The following NRP1 variants were observed in gnomAD, a reference collection of about 807,000 sequenced individuals.
The protein encoded by NRP1 is neuropilin 1, also known as neuropilin-1.
Under a neutral mutation model 106.7 loss-of-function variants are expected in NRP1, and 35 were observed. The ratio of observed to expected loss-of-function variants is 0.33; its 90% confidence interval spans 0.25 to 0.43. The LOEUF (loss-of-function observed/expected upper bound fraction) is 0.43. Ranked by LOEUF, NRP1 falls within the 20% of genes least tolerant of loss-of-function variation. NRP1 has a pLI of 1.00. For synonymous variants in NRP1, 437 were observed against 417.9 expected (o/e 1.05, Z -0.56); for missense variants, 1,024 against 1,170.4 (o/e 0.87, Z 1.83).
intron 2 of NRP1, among the ~76,000 whole-genome samples, chr10:33,320,281 C>T (rs1045336271): frequency 1.3e-5 from 2 of 151,212 alleles, no homozygotes; most frequent in African/African-American, 4.9e-5. Flanking sequence ...CCACTGCACT[C>T]CAGCCTGGCG....
chr10:33,320,623 T>C (rs568597180), intron 2 of NRP1, among the ~76,000 whole-genome samples: 1 of 152,290 alleles, frequency 6.6e-6, no homozygotes, highest in South Asian at 2.1e-4. Flanking sequence ...GCTGATCTCT[T>C]CTCCATATGA....
intron 2 of NRP1, among the ~76,000 whole-genome samples, chr10:33,313,442 T>A (rs182467491): frequency 9.2e-5 from 14 of 152,262 alleles, no homozygotes; most frequent in African/African-American, 3.4e-4. Context: ...TTACACATTG[T>A]AGGCCTGTAT....
rs372867658 is a variant in NRP1, at chr10:33,265,116, A to AAAAC, written c.431-1247_431-1244dup. Among the ~76,000 whole-genome samples, 1,331 of 151,694 alleles carry AAAAC rather than the reference A, an allele frequency of 8.8e-3. 19 individuals carry two copies. Among genetic ancestry groups the AAAAC allele is most frequent in the African/African-American group, 0.03 (1,227 of 41,434 alleles). On this transcript the variant is annotated intron_variant, in intron 3 of 16. Transcript: ENST00000374867. ...CAGAGCCAGCCAGACTCCGCCTCAA[A>AAAAC]AAACAAACAAACAAACAAACAAACA...
chr10:33,195,252 T>C (rs774360555), intron 12 of NRP1, among the ~76,000 whole-genome samples: 3 of 152,158 alleles, frequency 2.0e-5, no homozygotes, highest in Non-Finnish European at 4.4e-5. Context: ...CTCAGGCCCA[T>C]ACAATCGTAG....
chr10:33,257,247 A>G (rs958033990), intron 4 of NRP1, among the ~76,000 whole-genome samples: 5 of 152,246 alleles, frequency 3.3e-5, no homozygotes, highest in Admixed American at 3.3e-4. Context: ...TGGCCAAGAC[A>G]TCACCAAAAG....
chr10:33,268,975 C>A (rs569506037), intron 3 of NRP1, among the ~76,000 whole-genome samples: 1 of 152,162 alleles, frequency 6.6e-6, no homozygotes, highest in Non-Finnish European at 1.5e-5. Flanking sequence ...GTTGTCGCAA[C>A]GTTTCCTGGA....
rs1049233456 is a variant in NRP1 at position 33,186,630 on chromosome 10, A to G, written c.2063-142T>C. ...ACGTAGTGGAAAGGGATAAGTGTGC[A>G]CACTTGGGGACCTCATGGGCACCTA... On this transcript the variant is annotated intron_variant, in intron 13 of 16. Transcript: ENST00000374867. 5.3e-6 allele frequency: 5 copies of G among 938,320 alleles called. No homozygotes were observed. The African/African-American group carries it at 6.6e-5, about 12-fold the overall frequency. 58.1% of individuals were successfully genotyped at this position (938,320 alleles called of 1,614,324 possible).
At position 33,221,245 on chromosome 10, in the gene NRP1, G is replaced by A. The variant is rs117185713; in HGVS notation, c.1282+474C>T. Among the ~76,000 whole-genome samples, 549 of 152,216 alleles carry A rather than the reference G, an allele frequency of 3.6e-3. 2 individuals are homozygous for A. The highest frequency in any genetic ancestry group is 6.3e-3 in the Non-Finnish European group (429 of 68,000). On this transcript the variant is annotated intron_variant, in intron 8 of 16. Transcript: ENST00000374867. ...AAACAAAGAAATAAATAAAACTGCTGGAGAATCTTTCATGCAACAGTTACT... is the reference window on the plus strand; with the variant it reads ...AAACAAAGAAATAAATAAAACTGCTAGAGAATCTTTCATGCAACAGTTACT...
At chr10:33,186,596 A>G (rs1836023541) in intron 13 of NRP1, 108 bp from the exon 14 acceptor site, 3 of 1,308,520 alleles carry the variant, frequency 2.3e-6, no homozygotes, top group Non-Finnish European at 3.1e-6. Context: ...GAGCACCAAG[A>G]ACCCAAATAC....
chr10:33,189,438 C>T (rs1212253625), intron 13 of NRP1, among the ~76,000 whole-genome samples: 1 of 152,204 alleles, frequency 6.6e-6, no homozygotes, highest in Non-Finnish European at 1.5e-5. Flanking sequence ...TGTCACTGGC[C>T]TCTGCCATTG....
chr10:33,262,626 C>T (rs1842649500), intron 4 of NRP1, among the ~76,000 whole-genome samples: 1 of 148,512 alleles, frequency 6.7e-6, no homozygotes, highest in Non-Finnish European at 1.5e-5. Flanking sequence ...TTGCTTGAAC[C>T]TGGGAGGCGG....
intron 9 of NRP1, chr10:33,212,234 T>C (rs924916308): frequency 6.6e-6 from 1 of 152,244 alleles, no homozygotes; most frequent in Non-Finnish European, 1.5e-5. Context: ...TAAAGAAATA[T>C]ACTTAAGCAT....
chr10:33,187,119 C>T (rs1836063227), intron 13 of NRP1, among the ~76,000 whole-genome samples: 1 of 152,132 alleles, frequency 6.6e-6, no homozygotes, highest in Non-Finnish European at 1.5e-5. Flanking sequence ...GCAATCCTCC[C>T]ACCTTGGCCT....
intron 2 of NRP1, among the ~76,000 whole-genome samples, chr10:33,274,567 A>G (rs1231200460): frequency 1.3e-5 from 2 of 152,162 alleles, no homozygotes; most frequent in African/African-American, 4.8e-5. Context: ...GAACAGATGA[A>G]TAGTGACTTT....
intron 8 of NRP1, among the ~76,000 whole-genome samples, chr10:33,216,294 C>T (rs564287253): frequency 1.3e-4 from 19 of 151,758 alleles, no homozygotes; most frequent in South Asian, 2.1e-4. Flanking sequence ...CCTGCCACCA[C>T]GCCCGGCTTA....
rs187907244 is a variant in NRP1 at position 33,309,868 on chromosome 10, T to C, written c.248+20840A>G. ...TTGCCCAGTTTCCCGTTTCTCAAGT[T>C]CTTTTTTGCACATCTCTACCTGCAA... On this transcript the variant is annotated intron_variant, in intron 2 of 16. Coordinates refer to ENST00000374867, the MANE Select transcript of NRP1 (RefSeq NM_003873.7). Among the ~76,000 whole-genome samples, 569 of 152,322 alleles carry C rather than the reference T, an allele frequency of 3.7e-3. 3 individuals carry two copies. Among genetic ancestry groups the C allele is most frequent in the African/African-American group, 0.013 (540 of 41,568 alleles).
intron 6 of NRP1, among the ~76,000 whole-genome samples, chr10:33,228,412 T>TA: frequency 6.6e-6 from 1 of 151,996 alleles, no homozygotes; most frequent in East Asian, 1.9e-4. Flanking sequence ...ACAAAACAAA[T>TA]AAAAAAAGCC....
intron 9 of NRP1, chr10:33,213,048 G>A (rs967105067): frequency 1.2e-5 from 7 of 588,496 alleles, no homozygotes; most frequent in Admixed American, 3.1e-5. Flanking sequence ...AGACCCAAAC[G>A]ACTGAGTGGT....
chr10:33,204,049 T>C (rs1196096193), intron 10 of NRP1, among the ~76,000 whole-genome samples: 1 of 152,208 alleles, frequency 6.6e-6, no homozygotes, highest in Non-Finnish European at 1.5e-5. Flanking sequence ...ATATTTTTTT[T>C]AGCCTGTTAC....
Sources: gnomAD v4.1 joint callset for allele counts (sites outside exome capture counted in the v4.1 genomes callset) on GRCh38, gnomAD v4.1.1 for gene constraint, MANE v1.5 for transcripts, NCBI Gene and HGNC (gene_info 2026-07-23, HGNC 2026-07-21) for gene names.